Variants in CSMD1 observed in about 807,000 individuals in gnomAD.
The protein encoded by CSMD1 is CUB and sushi domain-containing protein 1.
Under a neutral mutation model 417.5 loss-of-function variants are expected in CSMD1, and 213 were observed. That is an observed-to-expected ratio of 0.51 (90% CI 0.46 to 0.57). CSMD1 has a LOEUF of 0.57. CSMD1 is among the 20% of genes least tolerant of loss of function. The probability of loss-of-function intolerance (pLI) is 0.00; values close to 1 mark genes in which losing one functional copy is unlikely to be tolerated. For missense variants in CSMD1, 6,923 were observed against 4,529.7 expected, an observed-to-expected ratio of 1.53 and a Z score of -15.17; for synonymous variants, 2,862 against 1,736.8, an observed-to-expected ratio of 1.65 and a Z score of -16.11.
chr8:3,021,737 T>C lies in CSMD1; in HGVS notation c.7856-3087A>G, dbSNP rs139796217. On this transcript the variant is annotated intron_variant, in intron 51 of 69. Coordinates refer to ENST00000635120, the MANE Select transcript of CSMD1 (RefSeq NM_033225.6). ...AATGCACCTGCAATCCCGCAGCATC[T>C]GGAATGCACCTGCAATCCCACAGCA... 7.0e-3 allele frequency among the ~76,000 whole-genome samples: 595 copies of C among 84,540 alleles called. 1 individual carries two copies. Among genetic ancestry groups the C allele is most frequent in the South Asian group, 0.02 (47 of 2,380 alleles). The allele number at this position is 84,540 out of a possible 152,430, so 55.5% of individuals were successfully genotyped here.
At chr8:4,234,336 C>T (rs1235954014) in intron 3 of CSMD1, among the ~76,000 whole-genome samples, 3 of 152,052 alleles carry the variant, frequency 2.0e-5, no homozygotes, top group Non-Finnish European at 4.4e-5. Flanking sequence ...AGAAATGGGC[C>T]GAGGCTCCTG....
intron 5 of CSMD1, among the ~76,000 whole-genome samples, chr8:3,876,857 C>T (rs1031154316): frequency 1.3e-5 from 2 of 152,196 alleles, no homozygotes; most frequent in African/African-American, 4.8e-5. Flanking sequence ...AGTGATTCGC[C>T]CGCCTTGGCC....
At chr8:4,625,228 C>T (rs1802027955) in intron 2 of CSMD1, among the ~76,000 whole-genome samples, 1 of 152,054 alleles carries the variant, frequency 6.6e-6, no homozygotes, top group African/African-American at 2.4e-5. Flanking sequence ...TCACCTTCCA[C>T]TGTTTAAGCA....
intron 33 of CSMD1, 21 bp downstream of exon 33, chr8:3,199,693 G>A (rs1443282200): frequency 1.0e-5 from 15 of 1,498,746 alleles, no homozygotes; most frequent in Non-Finnish European, 1.4e-5. Flanking sequence ...GACATGTGGA[G>A]ACATGTGGAG....
chr8:3,070,726 C>A (rs1046117496), intron 49 of CSMD1, among the ~76,000 whole-genome samples: 1 of 152,224 alleles, frequency 6.6e-6, no homozygotes, highest in Non-Finnish European at 1.5e-5. Context: ...TCCTTTATCT[C>A]CCTTTCTTAT....
At chr8:3,756,002 A>G (rs777613484) in intron 5 of CSMD1, among the ~76,000 whole-genome samples, 71 of 152,060 alleles carry the variant, frequency 4.7e-4, no homozygotes, top group East Asian at 1.9e-4. Context: ...CTAAAAAACT[A>G]GATTCAAAAA....
intron 10 of CSMD1, among the ~76,000 whole-genome samples, chr8:3,528,133 A>G (rs1225341676): frequency 6.6e-6 from 1 of 152,234 alleles, no homozygotes; most frequent in African/African-American, 2.4e-5. Context: ...TTTATTTTAC[A>G]AAGGGAGCTG....
chr8:4,563,739 T>C (rs139219114), intron 2 of CSMD1, among the ~76,000 whole-genome samples: 1 of 152,330 alleles, frequency 6.6e-6, no homozygotes, highest in Non-Finnish European at 1.5e-5. Context: ...TGTGACCTGT[T>C]GACATGTTAA....
intron 1 of CSMD1, among the ~76,000 whole-genome samples, chr8:4,838,024 G>A (rs1328935907): frequency 6.6e-6 from 1 of 152,178 alleles, no homozygotes; most frequent in East Asian, 1.9e-4. Context: ...GGGCCCAGGA[G>A]CTAACTGCAG....
At chr8:4,908,944 C>T (rs138529763) in intron 1 of CSMD1, among the ~76,000 whole-genome samples, 98 of 152,284 alleles carry the variant, frequency 6.4e-4, no homozygotes, top group Non-Finnish European at 1.1e-3. Context: ...TTGCCTCTTC[C>T]GAACGTGTTT....
intron 1 of CSMD1, among the ~76,000 whole-genome samples, chr8:4,895,423 A>C (rs928580381): frequency 4.6e-5 from 7 of 152,138 alleles, no homozygotes; most frequent in African/African-American, 1.4e-4. Context: ...AAGCCTGAGT[A>C]AATTTCATTT....
intron 3 of CSMD1, among the ~76,000 whole-genome samples, chr8:4,214,514 T>G (rs1324832478): frequency 6.6e-6 from 1 of 152,174 alleles, no homozygotes; most frequent in African/African-American, 2.4e-5. Flanking sequence ...CCCAGGTTGG[T>G]CTCAAACCCC....
At chr8:4,048,620 A>T (rs914305955) in intron 3 of CSMD1, among the ~76,000 whole-genome samples, 3 of 152,232 alleles carry the variant, frequency 2.0e-5, no homozygotes, top group Non-Finnish European at 4.4e-5. Context: ...CCAAACAGGT[A>T]ATTCTTAAAT....
intron 21 of CSMD1, among the ~76,000 whole-genome samples, chr8:3,355,553 G>A (rs1250502487): frequency 6.6e-6 from 1 of 152,150 alleles, no homozygotes; most frequent in African/African-American, 2.4e-5. Context: ...AGGAAACCCA[G>A]GACTTGTACA....
At chr8:4,379,238 G>A (rs1486373857) in intron 3 of CSMD1, among the ~76,000 whole-genome samples, 1 of 152,104 alleles carries the variant, frequency 6.6e-6, no homozygotes, top group Non-Finnish European at 1.5e-5. Context: ...ATATCAGAAA[G>A]CCTCAACATG....
chr8:3,905,086 G>C (rs1808028177), intron 5 of CSMD1, among the ~76,000 whole-genome samples: 2 of 152,146 alleles, frequency 1.3e-5, no homozygotes, highest in Admixed American at 6.5e-5. Flanking sequence ...GTATCCAAAT[G>C]TCTGTAGGGA....
intron 5 of CSMD1, among the ~76,000 whole-genome samples, chr8:3,981,619 T>G (rs781299862): frequency 8.5e-5 from 13 of 152,090 alleles, no homozygotes; most frequent in African/African-American, 3.1e-4. Flanking sequence ...TAGAGCAGTA[T>G]TGTTCCCTTT....
At chr8:4,168,665 T>A (rs1022351357) in intron 3 of CSMD1, among the ~76,000 whole-genome samples, 1 of 152,120 alleles carries the variant, frequency 6.6e-6, no homozygotes, top group Admixed American at 6.5e-5. Context: ...TACATCATTC[T>A]CACATTTTTT....
chr8:3,961,668 T>C (rs1390914679), intron 5 of CSMD1, among the ~76,000 whole-genome samples: 1 of 152,104 alleles, frequency 6.6e-6, no homozygotes, highest in Non-Finnish European at 1.5e-5. Flanking sequence ...AAATAATAAA[T>C]AAAGTGAAAG....
Sources: gnomAD v4.1 joint callset for allele counts (sites outside exome capture counted in the v4.1 genomes callset) on GRCh38, gnomAD v4.1.1 for gene constraint, MANE v1.5 for transcripts, NCBI Gene and HGNC (gene_info 2026-07-23, HGNC 2026-07-21) for gene names.